Variants in ADAMTS12 observed in about 807,000 individuals in gnomAD.
ADAMTS12 encodes A disintegrin and metalloproteinase with thrombospondin motifs 12.
ADAMTS12 carries 118 observed loss-of-function variants against 167.8 expected under a neutral mutation model. The ratio of observed to expected loss-of-function variants is 0.70; its 90% confidence interval spans 0.61 to 0.82. The LOEUF (loss-of-function observed/expected upper bound fraction) is 0.82, where lower values mean the gene tolerates loss of function less well. Ranked by LOEUF, ADAMTS12 falls within the 40% of genes least tolerant of loss-of-function variation. The pLI, the probability that ADAMTS12 is intolerant of heterozygous loss-of-function variation, is 0.00. For missense variants in ADAMTS12, 1,916 were observed against 1,998.8 expected (o/e 0.96, Z 0.79); for synonymous variants, 704 against 716.9 (o/e 0.98, Z 0.29).
chr5:33,884,201 C>T (rs2111788567), intron 1 of ADAMTS12, among the ~76,000 whole-genome samples: 1 of 152,302 alleles, frequency 6.6e-6, no homozygotes, highest in African/African-American at 2.4e-5. Flanking sequence ...GACAATTCCT[C>T]CTCCAGCTGG....
chr5:33,723,593 T>C (rs1317311275), intron 3 of ADAMTS12, among the ~76,000 whole-genome samples: 4 of 152,120 alleles, frequency 2.6e-5, no homozygotes, highest in African/African-American at 7.2e-5. Flanking sequence ...CTGGGTGGGA[T>C]TGGCTAAGTC....
At chr5:33,850,612 C>T (rs1186608005) in intron 2 of ADAMTS12, among the ~76,000 whole-genome samples, 3 of 152,238 alleles carry the variant, frequency 2.0e-5, no homozygotes, top group Non-Finnish European at 4.4e-5. Flanking sequence ...TGCCACCATC[C>T]ATGTCCACAG....
At chr5:33,614,465 T>G (rs1263030354) in intron 15 of ADAMTS12, 89 bp from the exon 16 acceptor site, 1 of 1,486,390 alleles carries the variant, frequency 6.7e-7, no homozygotes, top group Admixed American at 1.7e-5. Context: ...GTCAGTCATC[T>G]AAAATTAGTA....
intron 15 of ADAMTS12, 68 bp from the exon 16 acceptor site, chr5:33,614,444 C>T: frequency 6.3e-7 from 1 of 1,580,244 alleles, no homozygotes; most frequent in South Asian, 1.1e-5. Flanking sequence ...CATGTAAAAA[C>T]ACCACAAAAT....
At chr5:33,568,893 A>C (rs1448364395) in intron 19 of ADAMTS12, among the ~76,000 whole-genome samples, 1 of 152,240 alleles carries the variant, frequency 6.6e-6, no homozygotes, top group African/African-American at 2.4e-5. Flanking sequence ...TCCCACCTGA[A>C]TACTGCGCTT....
chr5:33,599,994 CTAT>C (rs1422263159), intron 16 of ADAMTS12, among the ~76,000 whole-genome samples: 1 of 152,148 alleles, frequency 6.6e-6, no homozygotes, highest in African/African-American at 2.4e-5. Context: ...ATTTGGCTTG[CTAT>C]TTTTTCCCTT....
chr5:33,830,407 C>A (rs1477805976), intron 2 of ADAMTS12, among the ~76,000 whole-genome samples: 5 of 152,188 alleles, frequency 3.3e-5, no homozygotes, highest in African/African-American at 1.2e-4. Context: ...AGAAAATGGT[C>A]AGCCTACCAA....
At chr5:33,852,811 TATTTGATTATTTG>T (rs2111655166) in intron 2 of ADAMTS12, among the ~76,000 whole-genome samples, 2 of 152,348 alleles carry the variant, frequency 1.3e-5, no homozygotes, top group Non-Finnish European at 2.9e-5. Flanking sequence ...AGATTTTCAG[TATTTGATTATTTG>T]AAAGGGCTTA....
intron 2 of ADAMTS12, among the ~76,000 whole-genome samples, chr5:33,810,003 A>C (rs1208566270): frequency 1.5e-5 from 2 of 137,816 alleles, no homozygotes; most frequent in Admixed American, 1.4e-4. Context: ...AAAAAAAAAC[A>C]GATTAGAAGC....
At chr5:33,647,562 C>A (rs1329877507) in intron 9 of ADAMTS12, among the ~76,000 whole-genome samples, 5 of 152,156 alleles carry the variant, frequency 3.3e-5, no homozygotes, top group Non-Finnish European at 7.4e-5. Flanking sequence ...GAAACACCAT[C>A]TCTACTGAAA....
At chr5:33,536,393 G>A (rs1434509573) in intron 22 of ADAMTS12, among the ~76,000 whole-genome samples, 1 of 152,206 alleles carries the variant, frequency 6.6e-6, no homozygotes, top group Non-Finnish European at 1.5e-5. Flanking sequence ...GCAAGGGGGA[G>A]CTAAAGATAG....
intron 14 of ADAMTS12, among the ~76,000 whole-genome samples, chr5:33,620,225 C>T: frequency 6.6e-6 from 1 of 152,222 alleles, no homozygotes; most frequent in East Asian, 1.9e-4. Flanking sequence ...CCTTATGGTA[C>T]ATATCAAGCA....
intron 23 of ADAMTS12, among the ~76,000 whole-genome samples, chr5:33,531,997 T>G (rs1744125749): frequency 6.6e-6 from 1 of 152,170 alleles, no homozygotes; most frequent in Non-Finnish European, 1.5e-5. Context: ...TTCTCCCTAT[T>G]GCTGTGAAAC....
At chr5:33,528,406 TA>T (rs1206356039) in intron 23 of ADAMTS12, among the ~76,000 whole-genome samples, 1 of 152,194 alleles carries the variant, frequency 6.6e-6, no homozygotes, top group African/African-American at 2.4e-5. Flanking sequence ...ACTACTTTGG[TA>T]CCCCCAAAAC....
intron 19 of ADAMTS12, among the ~76,000 whole-genome samples, chr5:33,569,248 C>T (rs1746177698): frequency 6.6e-6 from 1 of 152,234 alleles, no homozygotes; most frequent in Admixed American, 6.5e-5. Context: ...AGCCGTCGTT[C>T]TCCCAGCACG....
intron 5 of ADAMTS12, among the ~76,000 whole-genome samples, chr5:33,677,922 T>C (rs976414610): frequency 1.3e-5 from 2 of 152,156 alleles, no homozygotes; most frequent in Admixed American, 6.5e-5. Context: ...TGAAACCCCA[T>C]AGTGGTCTTT....
chr5:33,567,601 A>G (rs538469733), intron 19 of ADAMTS12, among the ~76,000 whole-genome samples: 1 of 152,152 alleles, frequency 6.6e-6, no homozygotes, highest in Admixed American at 6.5e-5. Context: ...CCTTTGGGGG[A>G]ATCCGAACAC....
intron 3 of ADAMTS12, among the ~76,000 whole-genome samples, chr5:33,712,000 A>G (rs1464198137): frequency 6.6e-6 from 1 of 152,164 alleles, no homozygotes; most frequent in African/African-American, 2.4e-5. Flanking sequence ...ACAGTTCCAA[A>G]GCCAAATTAG....
In ADAMTS12 at chr5:33,881,138, A is replaced by C. The variant is rs1452369336; in HGVS notation, c.470T>G (p.Leu157Arg). The C allele has an allele frequency of 6.2e-7, 1 of 1,613,660 alleles. No individual in the cohort carries two copies. Among genetic ancestry groups the C allele is most frequent in the South Asian group, 1.1e-5 (1 of 91,040 alleles). ...QQGTRVGTAA[L>R]SACHGLTGFF... is the part of the protein sequence containing the mutation. ...ACTCACCAGTCCATGGCAGGCACTG[A>C]GGGCTGCCGTCCCAACTCTGGTGCC... is the stretch of plus-strand genomic sequence containing the variant. The change falls in exon 2 of 24, where the codon CTC (leucine) becomes CGC (arginine). Residue 157 changes from leucine (L) to arginine (R), a missense_variant. Physicochemically the swap from Leu to Arg is moderately radical, Grantham distance 102. Transcript: ENST00000504830.
Sources: allele counts gnomAD v4.1 joint callset (sites outside exome capture counted in the v4.1 genomes callset), GRCh38; gene constraint gnomAD v4.1.1; transcripts MANE v1.5; gene names NCBI Gene and HGNC (gene_info 2026-07-23, HGNC 2026-07-21).